Variants in TMPRSS15 observed in about 807,000 individuals in gnomAD.
TMPRSS15 encodes transmembrane serine protease 15.
Under a neutral mutation model 125.3 loss-of-function variants are expected in TMPRSS15, and 128 were observed. The ratio of observed to expected loss-of-function variants is 1.02; its 90% CI spans 0.89 to 1.18. The LOEUF (loss-of-function observed/expected upper bound fraction) is 1.18, where lower values mean the gene tolerates loss of function less well. Ranked by LOEUF, TMPRSS15 falls within the 50% of genes most tolerant of loss-of-function variation. The pLI, the probability that TMPRSS15 is intolerant of heterozygous loss-of-function variation, is 0.00. For missense variants in TMPRSS15, 1,283 were observed against 1,212.7 expected (o/e 1.06, Z -0.86); for synonymous variants, 446 against 423.2 (o/e 1.05, Z -0.66).
chr21:18,416,330 T>C (rs1053689838), intron 1 of TMPRSS15, among the ~76,000 whole-genome samples: 1 of 151,942 alleles, frequency 6.6e-6, no homozygotes, highest in Non-Finnish European at 1.5e-5. Context: ...AGACCCAGAG[T>C]AGCCGAAGAG....
upstream of TMPRSS15, among the ~76,000 whole-genome samples, chr21:18,405,775 AC>A (rs562144001): frequency 2.0e-4 from 31 of 152,300 alleles, 2 homozygotes; most frequent in Middle Eastern, 6.8e-3. Context: ...TATAAAAAGC[AC>A]GGAAAAATTT....
chr21:18,476,284 C>A (rs1024734481), intron 1 of TMPRSS15, among the ~76,000 whole-genome samples: 3 of 152,114 alleles, frequency 2.0e-5, no homozygotes, highest in Admixed American at 6.6e-5. Context: ...AGAAAAGATA[C>A]ATTTACTCCA....
chr21:18,278,924 G>GTTTTTTTTTTTTTTTTT, intron 23 of TMPRSS15, 40 bp downstream of exon 23: 2 of 438,022 alleles, frequency 4.6e-6, no homozygotes, highest in Non-Finnish European at 7.8e-6. Context: ...CACCAGTAAG[G>GTTTTTTTTTTTTTTTTT]TTTTTTTTTT....
Position 18,275,202 on chromosome 21 carries a change from A to C in TMPRSS15, c.2899T>G (p.Cys967Gly). 1 of 1,613,942 alleles carries C rather than the reference A, an allele frequency of 6.2e-7. No homozygotes were observed. Among genetic ancestry groups the C allele is most frequent in the African/African-American group, 1.3e-5 (1 of 75,058 alleles). ...AGYEEGGIDS[C>G]QGDSGGPLMC... ...GAGCAGTTTTACATCTTTACCTGAC[A>C]AGAATCTATTCCTCCTTCTTCATAG... Residue 967 changes from cysteine (C) to glycine (G), a missense_variant, in exon 24 of 25, where the codon TGT becomes GGT. Cys to Gly is a radical substitution (Grantham distance 159). Transcript: ENST00000284885.
intron 21 of TMPRSS15, among the ~76,000 whole-genome samples, chr21:18,288,259 A>ACTT (rs1375252153): frequency 7.9e-5 from 12 of 152,190 alleles, no homozygotes; most frequent in African/African-American, 2.9e-4. Flanking sequence ...AAATATTCCC[A>ACTT]CTTATAAGTG....
At chr21:18,325,105 C>A (rs1312876265) in intron 16 of TMPRSS15, among the ~76,000 whole-genome samples, 1 of 152,042 alleles carries the variant, frequency 6.6e-6, no homozygotes, top group South Asian at 2.1e-4. Flanking sequence ...TATGTAAATA[C>A]ATATCTATTG....
At chr21:18,463,476 G>C (rs1035974366) in intron 1 of TMPRSS15, among the ~76,000 whole-genome samples, 1 of 151,866 alleles carries the variant, frequency 6.6e-6, no homozygotes, top group Admixed American at 6.6e-5. Context: ...ACCTACAAGA[G>C]ACCTAGACTC....
chr21:18,441,086 AG>A (rs958486769), intron 1 of TMPRSS15, among the ~76,000 whole-genome samples: 98 of 151,928 alleles, frequency 6.5e-4, no homozygotes, highest in African/African-American at 2.3e-3. Context: ...TGAGGTCAGG[AG>A]TTCGAGACCA....
chr21:18,437,291 G>A (rs944632340), intron 1 of TMPRSS15, among the ~76,000 whole-genome samples: 2 of 151,944 alleles, frequency 1.3e-5, no homozygotes, highest in African/African-American at 4.8e-5. Context: ...GCTGAAACTG[G>A]ATCCCTTCCT....
intron 1 of TMPRSS15, among the ~76,000 whole-genome samples, chr21:18,430,412 AG>A (rs1253203716): frequency 6.6e-6 from 1 of 152,196 alleles, no homozygotes; most frequent in Non-Finnish European, 1.5e-5. Context: ...TTTTGGCAGC[AG>A]AAAATATATT....
At chr21:18,435,494 G>C (rs1424445276) in intron 1 of TMPRSS15, among the ~76,000 whole-genome samples, 1 of 152,126 alleles carries the variant, frequency 6.6e-6, no homozygotes, top group East Asian at 1.9e-4. Flanking sequence ...CTTGTTCATG[G>C]GGGATAAGCT....
At chr21:18,379,543 ACTC>A (rs926677420) in intron 4 of TMPRSS15, among the ~76,000 whole-genome samples, 1 of 151,966 alleles carries the variant, frequency 6.6e-6, no homozygotes, top group African/African-American at 2.4e-5. Context: ...TAGATTTTTA[ACTC>A]CTCTTTTATT....
chr21:18,422,970 A>C (rs879679296), intron 1 of TMPRSS15, among the ~76,000 whole-genome samples: 17 of 152,154 alleles, frequency 1.1e-4, no homozygotes, highest in African/African-American at 4.1e-4. Context: ...TCTCATTTGC[A>C]TGGGGCTCAG....
Position 18,409,947 on chromosome 21 carries a change from C to T in TMPRSS15, c.11-11618G>A, listed in dbSNP as rs9985143. Among the ~76,000 whole-genome samples, 1,017 of 140,686 alleles carry T rather than the reference C, an allele frequency of 7.2e-3. 20 individuals are homozygous for T. The highest frequency in any genetic ancestry group is 0.026 in the African/African-American group (985 of 38,024). 92.3% of individuals were successfully genotyped at this position (140,686 alleles called of 152,430 possible). The stretch of plus-strand genomic sequence containing the variant: ...CCTTCCTTCCTTTCTTCCTTCCTTC[C>T]GTCTTTCCTTCTTAGGTATATTCAC... On this transcript the variant is annotated intron_variant, in intron 1 of 7. Coordinates refer to the TMPRSS15 transcript ENST00000422787.
At chr21:18,351,890 T>A (rs2075573185) in intron 10 of TMPRSS15, among the ~76,000 whole-genome samples, 2 of 152,096 alleles carry the variant, frequency 1.3e-5, no homozygotes, top group Admixed American at 6.6e-5. Flanking sequence ...AAATTTCAAC[T>A]TGGAAGTTTT....
chr21:18,467,150 AAC>A (rs1978680999), intron 1 of TMPRSS15, among the ~76,000 whole-genome samples: 2 of 152,144 alleles, frequency 1.3e-5, no homozygotes, highest in African/African-American at 4.8e-5. Context: ...TCAGCAAACT[AAC>A]ACAGGAACAG....
intron 24 of TMPRSS15, among the ~76,000 whole-genome samples, chr21:18,274,643 A>G (rs2146855060): frequency 6.6e-6 from 1 of 152,338 alleles, no homozygotes; most frequent in South Asian, 2.1e-4. Flanking sequence ...AGCCAGGGTT[A>G]TGCCAGTCTA....
intron 8 of TMPRSS15, among the ~76,000 whole-genome samples, chr21:18,356,675 A>T (rs2075628234): frequency 6.6e-6 from 1 of 151,844 alleles, no homozygotes; most frequent in Non-Finnish European, 1.5e-5. Flanking sequence ...TATCAACAGA[A>T]GTGAATTAAT....
chr21:18,315,062 A>G (rs2075147046), intron 17 of TMPRSS15, 84 bp downstream of exon 17: 1 of 1,113,456 alleles, frequency 9.0e-7, no homozygotes, highest in East Asian at 2.4e-5. Flanking sequence ...CCTAATAGAC[A>G]CAGTTATAAT....
Sources: allele counts gnomAD v4.1 joint callset (sites outside exome capture counted in the v4.1 genomes callset), GRCh38; gene constraint gnomAD v4.1.1; transcripts MANE v1.5; gene names NCBI Gene and HGNC (gene_info 2026-07-23, HGNC 2026-07-21).